GRIN2B: variants seen among roughly 807,000 people sequenced by gnomAD.
GRIN2B encodes glutamate ionotropic receptor NMDA type subunit 2B, also known as glutamate receptor ionotropic, NMDA 2B.
In GRIN2B, 5 loss-of-function variants were observed where a neutral mutation model predicts 114.5. The observed-to-expected ratio is 0.04, with a 90% CI of 0.02 to 0.09. The LOEUF (loss-of-function observed/expected upper bound fraction) is 0.09, where lower values mean the gene tolerates loss of function less well. Ranked by LOEUF, GRIN2B falls within the 10% of genes least tolerant of loss-of-function variation. GRIN2B has a pLI of 1.00. For synonymous variants in GRIN2B, 787 were observed against 745.1 expected (o/e 1.06, Z -0.92); for missense variants, 1,108 against 1,943.5 (o/e 0.57, Z 8.08).
At chr12:13,738,005 C>A (rs573156939) in intron 4 of GRIN2B, among the ~76,000 whole-genome samples, 1 of 152,244 alleles carries the variant, frequency 6.6e-6, no homozygotes, top group Admixed American at 6.5e-5. Flanking sequence ...GTCAGAACCA[C>A]AAAAATGCCA....
intron 4 of GRIN2B, among the ~76,000 whole-genome samples, chr12:13,723,179 G>A (rs1433978622): frequency 2.6e-5 from 4 of 151,290 alleles, no homozygotes; most frequent in African/African-American, 9.7e-5. Flanking sequence ...TGGGATACAT[G>A]TACAGAATGT....
intron 2 of GRIN2B, among the ~76,000 whole-genome samples, chr12:13,952,503 T>C (rs1286505085): frequency 6.6e-6 from 1 of 152,208 alleles, no homozygotes; most frequent in Non-Finnish European, 1.5e-5. Context: ...TTCTATCCCA[T>C]GGAACCTCTC....
At chr12:13,865,678 C>T (rs552664281) in intron 3 of GRIN2B, 120 bp downstream of exon 3, 183 of 859,160 alleles carry the variant, frequency 2.1e-4, no homozygotes, top group Admixed American at 6.9e-4. Context: ...GGCCTATCCA[C>T]GCTGTCAATG....
chr12:13,803,006 C>G (rs1216662777), intron 3 of GRIN2B, among the ~76,000 whole-genome samples: 1 of 152,152 alleles, frequency 6.6e-6, no homozygotes. Context: ...TCCTCCTCCT[C>G]CTCAGCCTAC....
In GRIN2B at chr12:13,753,767, C is replaced by T; in HGVS notation, c.560G>A (p.Arg187His). Residue 187 changes from arginine (R) to histidine (H), a missense_variant, in exon 4 of 14, where the codon CGC (arginine) becomes CAC (histidine). Around this residue, in one of 19 missense-constraint regions of GRIN2B, gnomAD observed 199 missense variants for 439.6 expected, o/e 0.45. Transcript: ENST00000609686. The surrounding 1 kb of genome is among the most constrained non-coding windows in gnomAD (Gnocchi z 6.2). ...CACAAAGCTATTCTCAATGGTGCTGCGGATCTTGTTTACAAAGTCCTGGTA... is the reference window on the plus strand; with the variant it reads ...CACAAAGCTATTCTCAATGGTGCTGTGGATCTTGTTTACAAAGTCCTGGTA... ...PGYQDFVNKI[R>H]STIENSFVGW... is the part of the protein sequence containing the mutation. 1.2e-6 allele frequency: 2 copies of T among 1,614,032 alleles called. No homozygotes were observed. The highest frequency in any genetic ancestry group is 1.7e-6 in the Non-Finnish European group (2 of 1,179,936).
intron 2 of GRIN2B, among the ~76,000 whole-genome samples, chr12:13,869,493 G>A (rs932302774): frequency 6.6e-6 from 1 of 152,028 alleles, no homozygotes; most frequent in Non-Finnish European, 1.5e-5. Context: ...TGACCTGCTA[G>A]TCAAATAGTT....
chr12:13,824,317 CTTA>C (rs1180095070), intron 3 of GRIN2B, among the ~76,000 whole-genome samples: 3 of 152,128 alleles, frequency 2.0e-5, no homozygotes, highest in African/African-American at 4.8e-5. Context: ...TAAAGAATGA[CTTA>C]TTATTTTTTT....
rs1948394104 is a variant in GRIN2B at position 13,550,332 on chromosome 12, G to A, written c.*12451C>T. 1 of 152,182 alleles carries A rather than the reference G, an allele frequency of 6.6e-6. No homozygotes were observed. The highest frequency in any genetic ancestry group is 1.5e-5 in the Non-Finnish European group (1 of 68,018). 9.4% of individuals were successfully genotyped at this position (152,182 alleles called of 1,614,324 possible). ...GGAGCAGAGGCAGGCTAGAACTGCA[G>A]GAGCTCAGTGCCTCTTTACATGGGA... is the stretch of plus-strand genomic sequence containing the variant. On this transcript the variant is annotated 3_prime_UTR_variant, in exon 14 of 14. Coordinates refer to ENST00000609686, the MANE Select transcript of GRIN2B (RefSeq NM_000834.5).
chr12:13,813,582 C>T (rs1864771279), intron 3 of GRIN2B, among the ~76,000 whole-genome samples: 1 of 152,170 alleles, frequency 6.6e-6, no homozygotes. Context: ...TACACATATT[C>T]TCACTGCATC....
intron 3 of GRIN2B, among the ~76,000 whole-genome samples, chr12:13,827,045 T>TATTTTAAGGAC (rs1865050911): frequency 1.3e-5 from 2 of 151,290 alleles, no homozygotes; most frequent in African/African-American, 4.8e-5. Context: ...TGTTTTTCAG[T>TATTTTAAGGAC]ATTTTAAGGA....
Position 13,769,782 on chromosome 12 carries a change from C to T in GRIN2B, c.412-15867G>A, listed in dbSNP as rs377717116. 2.9e-4 allele frequency among the ~76,000 whole-genome samples: 44 copies of T among 152,278 alleles called. 1 individual carries two copies. The East Asian group carries it at 7.0e-3, about 24-fold the overall frequency. ...TAATAAATAAGCAGGTAGATGGGGG[C>T]TGGTATCCCAGATTATGTGGGGATA... On this transcript the variant is annotated intron_variant, in intron 3 of 13. Transcript: ENST00000609686.
chr12:13,826,432 T>C (rs2136698407), intron 3 of GRIN2B, among the ~76,000 whole-genome samples: 1 of 152,234 alleles, frequency 6.6e-6, no homozygotes, highest in South Asian at 2.1e-4. Flanking sequence ...GATCATGCTA[T>C]TGCACTCCAG....
At chr12:13,896,827 A>G (rs922049662) in intron 2 of GRIN2B, among the ~76,000 whole-genome samples, 1 of 152,190 alleles carries the variant, frequency 6.6e-6, no homozygotes, top group Non-Finnish European at 1.5e-5. Context: ...TGGCTTTCAC[A>G]TGCACTAGCT....
intron 3 of GRIN2B, among the ~76,000 whole-genome samples, chr12:13,808,878 T>A (rs1361090793): frequency 6.6e-6 from 1 of 151,700 alleles, no homozygotes; most frequent in Non-Finnish European, 1.5e-5. Flanking sequence ...AAACCAGTCA[T>A]GACAAAAACA....
intron 4 of GRIN2B, among the ~76,000 whole-genome samples, chr12:13,747,131 A>G (rs1863399978): frequency 1.3e-5 from 2 of 152,238 alleles, no homozygotes; most frequent in South Asian, 4.1e-4. Flanking sequence ...CAAAAAAGAG[A>G]CAAAGAAGAG....
chr12:13,704,245 G>T (rs1199236876), intron 4 of GRIN2B, among the ~76,000 whole-genome samples: 1 of 152,080 alleles, frequency 6.6e-6, no homozygotes, highest in South Asian at 2.1e-4. Flanking sequence ...AGCCAGATGG[G>T]GGCTACACCA....
intron 4 of GRIN2B, among the ~76,000 whole-genome samples, chr12:13,734,050 A>T (rs1863138764): frequency 6.6e-6 from 1 of 152,232 alleles, no homozygotes; most frequent in Admixed American, 6.5e-5. Flanking sequence ...CCTAGAGAAC[A>T]GTTCCTTTCG....
chr12:13,757,410 T>C (rs1010050398), intron 3 of GRIN2B, among the ~76,000 whole-genome samples: 19 of 152,238 alleles, frequency 1.2e-4, no homozygotes, highest in African/African-American at 4.3e-4. Flanking sequence ...GAAATCTTCA[T>C]GTGTGCATCG....
intron 10 of GRIN2B, among the ~76,000 whole-genome samples, chr12:13,595,781 T>A (rs1225782043): frequency 6.6e-6 from 1 of 152,212 alleles, no homozygotes; most frequent in Non-Finnish European, 1.5e-5. Flanking sequence ...TGAGAGCGCC[T>A]CTTGCCTGTT....
Sources: allele counts gnomAD v4.1 joint callset (sites outside exome capture counted in the v4.1 genomes callset), GRCh38; gene constraint gnomAD v4.1.1; regional missense constraint gnomAD v4.1.1; non-coding constraint Gnocchi (gnomAD v3.1); transcripts MANE v1.5; gene names NCBI Gene and HGNC (gene_info 2026-07-23, HGNC 2026-07-21).